The following TENM3 variants were observed in gnomAD, a reference collection of about 807,000 sequenced individuals.
TENM3 encodes teneurin transmembrane protein 3.
In TENM3, 63 loss-of-function variants were observed where a neutral mutation model predicts 255.1. The ratio of observed to expected loss-of-function variants is 0.25; its 90% CI spans 0.20 to 0.30. The LOEUF (loss-of-function observed/expected upper bound fraction) is 0.30, where lower values mean the gene tolerates loss of function less well. Among genes scored for constraint, TENM3 ranks in the 10% least tolerant of loss-of-function variants. TENM3 has a pLI of 1.00. For synonymous variants in TENM3, 1,306 were observed against 1,322.3 expected (o/e 0.99, Z 0.27); for missense variants, 2,929 against 3,461.1 (o/e 0.85, Z 3.86).
the TENM3 span, among the ~76,000 whole-genome samples, chr4:181,622,347 A>C: frequency 6.6e-6 from 1 of 152,186 alleles, no homozygotes; most frequent in Non-Finnish European, 1.5e-5. Flanking sequence ...ACCAAGAGTC[A>C]AAACCTGTTT....
At position 182,673,013 on chromosome 4, in the gene TENM3, G is replaced by A. The variant is rs1755348491; in HGVS notation, c.1120G>A (p.Gly374Ser). The part of the protein sequence containing the change: ...SLPSGDNGKL[G>S]GFTQENNTID... ...GCATCTCTTACATTCAGGAAAATTA[G>A]GTGGATTTACGCAAGAAAATAACAC... The change falls in exon 7 of 28, where the codon GGT (glycine) becomes AGT (serine). Residue 374 changes from glycine to serine, a missense_variant. Gly to Ser is a moderately conservative substitution (Grantham distance 56). Around this residue, in one of 6 missense-constraint regions of TENM3, gnomAD observed 1,608 missense variants for 1,884.4 expected, o/e 0.85. Transcript: ENST00000511685. The A allele has an allele frequency of 1.3e-6, 2 of 1,576,976 alleles. No homozygotes were observed. The highest frequency in any genetic ancestry group is 1.7e-6 in the Non-Finnish European group (2 of 1,157,686).
At chr4:182,144,584 C>A (rs976002428), upstream of TENM3, 2 of 149,040 alleles carry the variant, frequency 1.3e-5, no homozygotes, top group Non-Finnish European at 3.0e-5. Context: ...AACACTCGCG[C>A]CCCCTCCCCG....
upstream of TENM3, among the ~76,000 whole-genome samples, chr4:182,140,847 G>A (rs971557785): frequency 3.9e-5 from 6 of 152,238 alleles, no homozygotes; most frequent in African/African-American, 1.4e-4. Flanking sequence ...CTTCAGGTGG[G>A]CAGCGACACT....
At chr4:182,662,519 G>C (rs1754310362) in intron 6 of TENM3, among the ~76,000 whole-genome samples, 1 of 152,078 alleles carries the variant, frequency 6.6e-6, no homozygotes, top group Non-Finnish European at 1.5e-5. Context: ...TTTTCCTCCA[G>C]TTTTCCTCCT....
chr4:182,315,918 T>G lies in TENM3; in HGVS notation c.-75-8028T>G, dbSNP rs570689407. ...TTTTTTATCTCAGACATTGAAGTTT[T>G]TCTCTTGAAGTTTGACTTTAGCCTT... On this transcript the variant is annotated intron_variant, in intron 1 of 27. Transcript: ENST00000511685. Among the ~76,000 whole-genome samples, 15 of 152,338 alleles carry G rather than the reference T, an allele frequency of 9.8e-5. No individual in the cohort carries two copies. The South Asian group carries it at 3.1e-3, about 32-fold the overall frequency.
chr4:182,621,489 A>G (rs1750135330), intron 4 of TENM3, among the ~76,000 whole-genome samples: 2 of 119,454 alleles, frequency 1.7e-5, no homozygotes. Flanking sequence ...CTGGCCAGGC[A>G]TGGTGGCTCA....
intron 4 of TENM3, among the ~76,000 whole-genome samples, chr4:182,625,605 A>G (rs531907538): frequency 6.6e-6 from 1 of 152,312 alleles, no homozygotes; most frequent in South Asian, 2.1e-4. Flanking sequence ...AGGAAATGTC[A>G]GTCCTTTTCC....
At chr4:181,799,627 G>A in the TENM3 span, among the ~76,000 whole-genome samples, 2 of 152,156 alleles carry the variant, frequency 1.3e-5, no homozygotes, top group Non-Finnish European at 2.9e-5. Flanking sequence ...CACTGAGAAC[G>A]CTGACACAGC....
chr4:182,350,439 G>A (rs1256039271), intron 3 of TENM3: 1 of 152,220 alleles, frequency 6.6e-6, no homozygotes, highest in African/African-American at 2.4e-5. Context: ...TCCAAATGAA[G>A]GATATGGGAG....
the TENM3 span, among the ~76,000 whole-genome samples, chr4:181,532,683 TATTTC>T: frequency 6.6e-6 from 1 of 152,210 alleles, no homozygotes; most frequent in South Asian, 2.1e-4. Flanking sequence ...TCCTGTTAAA[TATTTC>T]AGAGCTTTAT....
intron 1 of TENM3, among the ~76,000 whole-genome samples, chr4:182,298,262 G>A (rs1025485300): frequency 6.6e-5 from 10 of 152,130 alleles, no homozygotes; most frequent in African/African-American, 1.7e-4. Flanking sequence ...CTAGCACCTC[G>A]TGCAGTGCCA....
At chr4:181,664,929 T>A in the TENM3 span, among the ~76,000 whole-genome samples, 83,686 of 151,890 alleles carry the variant, frequency 0.55, 23,771 homozygotes, top group Non-Finnish European at 0.63. Context: ...TTTCTTTTTT[T>A]AAAAAGCGAG....
the TENM3 span, among the ~76,000 whole-genome samples, chr4:181,857,467 CA>C: frequency 6.8e-6 from 1 of 146,424 alleles, no homozygotes; most frequent in Admixed American, 7.0e-5. Flanking sequence ...GTAATCCCAG[CA>C]TTTTGGGAGC....
intron 3 of TENM3, among the ~76,000 whole-genome samples, chr4:182,531,356 A>G (rs552734189): frequency 6.6e-6 from 1 of 152,216 alleles, no homozygotes; most frequent in Non-Finnish European, 1.5e-5. Context: ...CAAAAGTTAC[A>G]AATCCCAAAG....
chr4:181,986,077 C>G, the TENM3 span, among the ~76,000 whole-genome samples: 1 of 152,038 alleles, frequency 6.6e-6, no homozygotes, highest in Non-Finnish European at 1.5e-5. Context: ...GCTGAACGAC[C>G]AAGGGTTTCC....
chr4:181,727,209 C>G, the TENM3 span, among the ~76,000 whole-genome samples: 3 of 136,944 alleles, frequency 2.2e-5, no homozygotes, highest in East Asian at 1.9e-4. Flanking sequence ...AAGTTCCAAC[C>G]CTTTGAGCAA....
the TENM3 span, among the ~76,000 whole-genome samples, chr4:181,600,263 T>C: frequency 6.6e-6 from 1 of 152,222 alleles, no homozygotes; most frequent in South Asian, 2.1e-4. Flanking sequence ...TTGCACAGAA[T>C]GCTGTTTTGA....
chr4:182,776,559 T>C (rs1378018556), intron 24 of TENM3, among the ~76,000 whole-genome samples: 3 of 152,232 alleles, frequency 2.0e-5, no homozygotes, highest in African/African-American at 7.2e-5. Flanking sequence ...GGGGAAATAC[T>C]TTGTCCAGAA....
the TENM3 span, among the ~76,000 whole-genome samples, chr4:181,614,732 C>A: frequency 9.2e-5 from 14 of 152,182 alleles, no homozygotes; most frequent in Non-Finnish European, 1.5e-4. Context: ...CGATTTGCAA[C>A]TTTGAGGATT....
Sources: allele counts gnomAD v4.1 joint callset (sites outside exome capture counted in the v4.1 genomes callset), GRCh38; gene constraint gnomAD v4.1.1; regional missense constraint gnomAD v4.1.1; transcripts MANE v1.5; gene names NCBI Gene and HGNC (gene_info 2026-07-23, HGNC 2026-07-21).